Variants in IL1RAPL1 observed in about 807,000 individuals in gnomAD.
IL1RAPL1 encodes the protein interleukin 1 receptor accessory protein like 1.
Under a neutral mutation model 48.4 loss-of-function variants are expected in IL1RAPL1, and 3 were observed. That is an observed-to-expected ratio of 0.06 (90% CI 0.03 to 0.16). IL1RAPL1 has a LOEUF of 0.16. Ranked by LOEUF, IL1RAPL1 falls within the 10% of genes least tolerant of loss-of-function variation. The probability of loss-of-function intolerance (pLI) is 1.00; values close to 1 mark genes in which losing one functional copy is unlikely to be tolerated. For missense variants in IL1RAPL1, 349 were observed against 530.6 expected (o/e 0.66, Z 3.36); for synonymous variants, 185 against 187.7 (o/e 0.99, Z 0.12).
At chrX:29,502,568 TGAAA>T (rs1935286886) in intron 5 of IL1RAPL1, among the ~76,000 whole-genome samples, 1 of 111,901 alleles carries the variant, frequency 8.9e-6, no homozygotes, top group Non-Finnish European at 1.9e-5. Flanking sequence ...CAGTATCTAT[TGAAA>T]TGATCATGTG....
Position 29,954,631 on chromosome X carries a change from G to T in IL1RAPL1, c.1311G>T (p.Met437Ile). 1 of 1,201,800 alleles carries T rather than the reference G, an allele frequency of 8.3e-7. No homozygotes were observed. Among genetic ancestry groups the T allele is most frequent in the Non-Finnish European group, 1.1e-6 (1 of 886,447 alleles). ...ERFALEILPD[M>I]LEKHYGYKLF... ...TTGCCCTTGAAATCCTACCTGATATGCTTGAAAAGCATTATGGATATAAGT... is the reference window on the plus strand; with the variant it reads ...TTGCCCTTGAAATCCTACCTGATATTCTTGAAAAGCATTATGGATATAAGT... Residue 437 changes from methionine to isoleucine, a missense_variant, in exon 10 of 11, where the codon ATG (methionine) becomes ATT (isoleucine). By Grantham distance (10) the Met-to-Ile change is conservative. Coordinates refer to ENST00000378993, the MANE Select transcript of IL1RAPL1 (RefSeq NM_014271.4).
At chrX:28,737,162 C>CT (rs1935842677) in intron 1 of IL1RAPL1, among the ~76,000 whole-genome samples, 4 of 31,962 alleles carry the variant, frequency 1.3e-4, no homozygotes, top group Admixed American at 5.1e-4. Context: ...TCCTTCCTTC[C>CT]TTCCTTCCTT....
chrX:29,288,118 T>C (rs1023729093), intron 3 of IL1RAPL1, among the ~76,000 whole-genome samples: 1 of 111,261 alleles, frequency 9.0e-6, no homozygotes, highest in Non-Finnish European at 1.9e-5. Flanking sequence ...AAATGCTTAT[T>C]TTATTTTTTA....
chrX:28,929,496 G>A (rs1202372084), intron 2 of IL1RAPL1, among the ~76,000 whole-genome samples: 1 of 111,694 alleles, frequency 9.0e-6, no homozygotes, highest in African/African-American at 3.3e-5. Flanking sequence ...ATCTGACTTG[G>A]TATCTGTAAC....
intron 5 of IL1RAPL1, among the ~76,000 whole-genome samples, chrX:29,641,175 T>C (rs371927574): frequency 1.3e-3 from 140 of 105,618 alleles, no homozygotes; most frequent in Non-Finnish European, 1.8e-3. Context: ...TGTCTCAAAA[T>C]AAACAAACAA....
chrX:29,094,164 A>G (rs1004476037), intron 2 of IL1RAPL1, among the ~76,000 whole-genome samples: 9 of 111,697 alleles, frequency 8.1e-5, no homozygotes, highest in Non-Finnish European at 1.3e-4. Flanking sequence ...ATGAGTGTGC[A>G]TGCCCCCCTT....
At chrX:28,668,298 G>A (rs999227402) in intron 1 of IL1RAPL1, among the ~76,000 whole-genome samples, 1 of 110,827 alleles carries the variant, frequency 9.0e-6, no homozygotes, top group Non-Finnish European at 1.9e-5. Context: ...TCACCCTGTC[G>A]CCCAGGCTGG....
intron 3 of IL1RAPL1, among the ~76,000 whole-genome samples, chrX:29,330,721 C>A (rs1372010210): frequency 9.0e-6 from 1 of 111,274 alleles, no homozygotes; most frequent in African/African-American, 3.3e-5. Flanking sequence ...GTTCTTGTTG[C>A]TGAGGTTCTT....
At chrX:29,587,988 T>A (rs1923239686) in intron 5 of IL1RAPL1, among the ~76,000 whole-genome samples, 1 of 112,525 alleles carries the variant, frequency 8.9e-6, no homozygotes, top group Non-Finnish European at 1.9e-5. Context: ...TGGCTCCAAT[T>A]CTACCATAAG....
At chrX:28,651,204 G>T (rs1352094003) in intron 1 of IL1RAPL1, among the ~76,000 whole-genome samples, 1 of 112,074 alleles carries the variant, frequency 8.9e-6, no homozygotes, top group Non-Finnish European at 1.9e-5. Context: ...TCAAAAATCA[G>T]AATAAATCAG....
At chrX:29,208,037 T>C (rs1021547795) in intron 2 of IL1RAPL1, among the ~76,000 whole-genome samples, 4 of 111,920 alleles carry the variant, frequency 3.6e-5, no homozygotes, top group African/African-American at 1.3e-4. Context: ...CAGTGGACTA[T>C]TAAGGTTTGC....
intron 6 of IL1RAPL1, among the ~76,000 whole-genome samples, chrX:29,848,919 A>G (rs1183510067): frequency 9.0e-6 from 1 of 110,520 alleles, no homozygotes; most frequent in African/African-American, 3.3e-5. Flanking sequence ...GGTGTGCACC[A>G]CCATACCTGG....
At chrX:29,093,323 C>T (rs890957540) in intron 2 of IL1RAPL1, among the ~76,000 whole-genome samples, 1 of 109,641 alleles carries the variant, frequency 9.1e-6, no homozygotes, top group African/African-American at 3.3e-5. Flanking sequence ...TTCACATGGC[C>T]AGAGCAGGAG....
chrX:29,514,664 G>C (rs1935427588), intron 5 of IL1RAPL1, among the ~76,000 whole-genome samples: 1 of 112,477 alleles, frequency 8.9e-6, no homozygotes, highest in Non-Finnish European at 1.9e-5. Flanking sequence ...GGCCAGGCTT[G>C]TCTTGAACTC....
chrX:29,671,899 T>C (rs1410292616), intron 6 of IL1RAPL1, among the ~76,000 whole-genome samples: 1 of 112,173 alleles, frequency 8.9e-6, no homozygotes, highest in Non-Finnish European at 1.9e-5. Flanking sequence ...CACTGAAAAT[T>C]ATCATTAATT....
chrX:29,443,521 C>G (rs1271419944), intron 5 of IL1RAPL1, among the ~76,000 whole-genome samples: 1 of 111,277 alleles, frequency 9.0e-6, no homozygotes, highest in African/African-American at 3.3e-5. Flanking sequence ...CTGAACATCA[C>G]TGGTTTTGGG....
intron 1 of IL1RAPL1, among the ~76,000 whole-genome samples, chrX:28,695,652 G>A (rs757966653): frequency 2.7e-5 from 3 of 111,696 alleles, no homozygotes; most frequent in South Asian, 3.7e-4. Flanking sequence ...TTAATGATAC[G>A]TTAAAATAGT....
chrX:28,793,186 T>C (rs1694876481), intron 2 of IL1RAPL1, among the ~76,000 whole-genome samples: 1 of 109,934 alleles, frequency 9.1e-6, no homozygotes, highest in Non-Finnish European at 1.9e-5. Flanking sequence ...TGAAATATTA[T>C]AGCAATTCAG....
intron 6 of IL1RAPL1, among the ~76,000 whole-genome samples, chrX:29,800,816 C>T (rs1386584410): frequency 2.3e-5 from 2 of 85,638 alleles, no homozygotes; most frequent in Non-Finnish European, 4.6e-5. Flanking sequence ...GAAACCCCGT[C>T]TCTACTAAAA....
Sources: gnomAD v4.1 joint callset for allele counts (sites outside exome capture counted in the v4.1 genomes callset) on GRCh38, gnomAD v4.1.1 for gene constraint, MANE v1.5 for transcripts, NCBI Gene and HGNC (gene_info 2026-07-23, HGNC 2026-07-21) for gene names.